GLTP: variants seen among roughly 807,000 people sequenced by gnomAD.
GLTP encodes glycolipid transfer protein.
Under a neutral mutation model 24.0 loss-of-function variants are expected in GLTP, and 22 were observed. The ratio of observed to expected loss-of-function variants is 0.92; its 90% confidence interval spans 0.65 to 1.31. The LOEUF (loss-of-function observed/expected upper bound fraction) is 1.31. Ranked by LOEUF, GLTP falls within the 50% of genes most tolerant of loss-of-function variation. GLTP has a pLI of 0.00. For missense variants in GLTP, 224 were observed against 276.6 expected (o/e 0.81, Z 1.35); for synonymous variants, 92 against 115.9 (o/e 0.79, Z 1.33).
intron 1 of GLTP, among the ~76,000 whole-genome samples, chr12:109,875,258 G>C (rs1723911778): frequency 6.6e-6 from 1 of 152,094 alleles, no homozygotes; most frequent in Non-Finnish European, 1.5e-5. Flanking sequence ...AGACATTCTG[G>C]ATAAGGTAAC....
chr12:109,853,777 T>C (rs1292815939), intron 4 of GLTP, among the ~76,000 whole-genome samples: 1 of 151,522 alleles, frequency 6.6e-6, no homozygotes, highest in Admixed American at 6.6e-5. Flanking sequence ...ATAGTCTCAC[T>C]CTGTCCTCCA....
intron 1 of GLTP, among the ~76,000 whole-genome samples, chr12:109,864,048 A>G (rs1262670925): frequency 6.6e-6 from 1 of 152,236 alleles, no homozygotes; most frequent in East Asian, 1.9e-4. Context: ...CACCATGGTC[A>G]GCAGAAGCTG....
At chr12:109,865,398 G>C (rs56124803) in intron 1 of GLTP, among the ~76,000 whole-genome samples, 1 of 151,970 alleles carries the variant, frequency 6.6e-6, no homozygotes. Context: ...AGGCCGAGGC[G>C]GGCGGATCAC....
At chr12:109,858,862 G>T in intron 1 of GLTP, 121 bp from the exon 2 acceptor site, 1 of 719,050 alleles carries the variant, frequency 1.4e-6, no homozygotes. Flanking sequence ...GAGCTGAGTT[G>T]TTCTGGATGT....
chr12:109,870,249 T>C (rs1455494002), intron 1 of GLTP, among the ~76,000 whole-genome samples: 6 of 152,144 alleles, frequency 3.9e-5, no homozygotes, highest in African/African-American at 1.4e-4. Context: ...ACAAATCACC[T>C]GAGGTCAGGA....
At chr12:109,876,745 T>G (rs529699722) in intron 1 of GLTP, among the ~76,000 whole-genome samples, 2 of 142,382 alleles carry the variant, frequency 1.4e-5, no homozygotes, top group Admixed American at 6.7e-5. Flanking sequence ...TGCTATATTG[T>G]TGGGTAGAAA....
chr12:109,869,778 A>G (rs1470640972), intron 1 of GLTP, among the ~76,000 whole-genome samples: 1 of 144,708 alleles, frequency 6.9e-6, no homozygotes, highest in African/African-American at 2.6e-5. Flanking sequence ...TGGGAAAACT[A>G]TTATCATTAT....
At chr12:109,862,923 A>G (rs1235365493) in intron 1 of GLTP, among the ~76,000 whole-genome samples, 1 of 151,860 alleles carries the variant, frequency 6.6e-6, no homozygotes, top group Non-Finnish European at 1.5e-5. Flanking sequence ...GTGGTGGTGC[A>G]TGTCTGTAAT....
intron 1 of GLTP, among the ~76,000 whole-genome samples, chr12:109,878,130 G>A (rs321727): frequency 3.9e-5 from 6 of 152,166 alleles, no homozygotes; most frequent in Non-Finnish European, 8.8e-5. Context: ...GGAAAGGGAG[G>A]AGGAGATGCT....
At chr12:109,859,161 C>T (rs902918564) in intron 1 of GLTP, among the ~76,000 whole-genome samples, 1 of 152,178 alleles carries the variant, frequency 6.6e-6, no homozygotes, top group African/African-American at 2.4e-5. Context: ...TTCAAGCCAT[C>T]CTCCCACCTC....
intron 1 of GLTP, 144 bp from the exon 2 acceptor site, chr12:109,858,885 A>G: frequency 3.0e-6 from 2 of 657,496 alleles, no homozygotes; most frequent in Non-Finnish European, 5.5e-6. Context: ...CTAAGGCAGC[A>G]TGGGCTTGGG....
rs893688525 is a variant in GLTP at position 109,880,263 on chromosome 12, C to T, written c.103+9G>A. On this transcript the variant is annotated intron_variant, in intron 1 of 4. Transcript: ENST00000318348. This position sits in a 1 kb window ranked among gnomAD's most constrained non-coding sequence, Gnocchi z 5.1. ...CTGCGGGCCGCCTCCCCCCTCCATTCCGGCTCACCGAAGAAGGGCGGCAGG... is the reference window on the plus strand; with the variant it reads ...CTGCGGGCCGCCTCCCCCCTCCATTTCGGCTCACCGAAGAAGGGCGGCAGG... The T allele has an allele frequency of 6.4e-7, 1 of 1,559,712 alleles. No homozygotes were observed. The highest frequency in any genetic ancestry group is 1.7e-5 in the Admixed American group (1 of 59,446).
At chr12:109,865,722 G>A (rs544507394) in intron 1 of GLTP, among the ~76,000 whole-genome samples, 2 of 152,146 alleles carry the variant, frequency 1.3e-5, no homozygotes, top group African/African-American at 2.4e-5. Flanking sequence ...GGCGTGAGCC[G>A]CCATGCCTGG....
intron 1 of GLTP, among the ~76,000 whole-genome samples, chr12:109,864,199 G>A (rs959353462): frequency 2.0e-5 from 3 of 152,162 alleles, no homozygotes; most frequent in Non-Finnish European, 2.9e-5. Context: ...GCGAGGCAGG[G>A]GCTGGGAACA....
chr12:109,862,857 G>A (rs760891433), intron 1 of GLTP, among the ~76,000 whole-genome samples: 14 of 152,160 alleles, frequency 9.2e-5, no homozygotes, highest in Non-Finnish European at 1.8e-4. Flanking sequence ...TTCAAGACCA[G>A]CCTGACCAAC....
At chr12:109,862,178 C>T (rs1592890507) in intron 1 of GLTP, among the ~76,000 whole-genome samples, 3 of 152,190 alleles carry the variant, frequency 2.0e-5, no homozygotes, top group Non-Finnish European at 1.5e-5. Flanking sequence ...GCCAGGGGTG[C>T]GGGCAAAGAA....
At chr12:109,867,529 G>T (rs1261226499) in intron 1 of GLTP, among the ~76,000 whole-genome samples, 3 of 152,166 alleles carry the variant, frequency 2.0e-5, no homozygotes, top group Non-Finnish European at 4.4e-5. Flanking sequence ...CCAATGAGGG[G>T]TTTCATGCAT....
At chr12:109,872,395 C>T (rs537812073) in intron 1 of GLTP, among the ~76,000 whole-genome samples, 1 of 152,300 alleles carries the variant, frequency 6.6e-6, no homozygotes, top group African/African-American at 2.4e-5. Context: ...GGATGCCAGT[C>T]TCCGTGTTTC....
At chr12:109,872,236 C>T (rs897190642) in intron 1 of GLTP, among the ~76,000 whole-genome samples, 26 of 152,240 alleles carry the variant, frequency 1.7e-4, no homozygotes, top group Admixed American at 5.9e-4. Flanking sequence ...GATTTTGGTG[C>T]TCCTGCCTGG....
Sources: allele counts gnomAD v4.1 joint callset (sites outside exome capture counted in the v4.1 genomes callset), GRCh38; gene constraint gnomAD v4.1.1; non-coding constraint Gnocchi (gnomAD v3.1); transcripts MANE v1.5; gene names NCBI Gene and HGNC (gene_info 2026-07-23, HGNC 2026-07-21).